The following MAML2 variants were observed in gnomAD, a reference collection of about 807,000 sequenced individuals.
MAML2 encodes the protein mastermind like transcriptional coactivator 2, also known as mastermind-like protein 2.
Under a neutral mutation model 96.1 loss-of-function variants are expected in MAML2, and 22 were observed. The ratio of observed to expected loss-of-function variants is 0.23; its 90% CI spans 0.16 to 0.33. The LOEUF is 0.33. Among genes scored for constraint, MAML2 ranks in the 10% least tolerant of loss-of-function variants. The pLI, the probability that MAML2 is intolerant of heterozygous loss-of-function variation, is 1.00. For synonymous variants in MAML2, 561 were observed against 521.3 expected (o/e 1.08, Z -1.04); for missense variants, 1,367 against 1,392.4 (o/e 0.98, Z 0.29).
At chr11:96,166,150 G>GTCTC (rs1491027512) in intron 1 of MAML2, among the ~76,000 whole-genome samples, 17 of 59,418 alleles carry the variant, frequency 2.9e-4, no homozygotes, top group East Asian at 9.2e-4. Flanking sequence ...CTCTCTCTCT[G>GTCTC]TCTGTCTCTC....
At position 96,343,042 on chromosome 11, in the gene MAML2, G is replaced by A; in HGVS notation, c.-1147C>T. 2.5e-6 allele frequency: 1 copy of A among 396,592 alleles called. No homozygotes were observed. 24.6% of individuals were successfully genotyped at this position (396,592 alleles called of 1,614,324 possible). A position where few individuals can be genotyped will look rare whatever the true frequency, so the allele number is the denominator to read the frequency against. ...TGGTTCTATCTCCTGTATTTGCTCC[G>A]CTTTATAGATGGAAAAAAAAAGTAG... On this transcript the variant is annotated 5_prime_UTR_variant, in exon 1 of 5. Coordinates refer to ENST00000524717, the MANE Select transcript of MAML2 (RefSeq NM_032427.4).
chr11:96,151,304 G>A (rs959134323), intron 1 of MAML2, among the ~76,000 whole-genome samples: 27 of 152,054 alleles, frequency 1.8e-4, no homozygotes, highest in African/African-American at 6.3e-4. Flanking sequence ...TTTCTCCAAG[G>A]GGTGCCTCTC....
chr11:96,200,627 G>A (rs1201420430), intron 1 of MAML2, among the ~76,000 whole-genome samples: 2 of 152,210 alleles, frequency 1.3e-5, no homozygotes, highest in Non-Finnish European at 2.9e-5. Context: ...TTCAGGTCAT[G>A]GCTATGCCTC....
At chr11:96,076,447 C>T (rs1325224408) in intron 2 of MAML2, among the ~76,000 whole-genome samples, 3 of 149,976 alleles carry the variant, frequency 2.0e-5, no homozygotes, top group South Asian at 4.2e-4. Flanking sequence ...CACACACACA[C>T]ACACACACAC....
chr11:96,245,444 A>T (rs1437113691), intron 1 of MAML2, among the ~76,000 whole-genome samples: 2 of 152,178 alleles, frequency 1.3e-5, no homozygotes, highest in African/African-American at 4.8e-5. Context: ...CCTTTCTCAC[A>T]TATCTATAGG....
chr11:96,273,800 C>G (rs181462781), intron 1 of MAML2, among the ~76,000 whole-genome samples: 3 of 152,198 alleles, frequency 2.0e-5, no homozygotes, highest in Admixed American at 2.0e-4. Flanking sequence ...AGATAGCCAG[C>G]CTCCATATCA....
chr11:96,265,302 T>A (rs560000782), intron 1 of MAML2, among the ~76,000 whole-genome samples: 93 of 152,278 alleles, frequency 6.1e-4, no homozygotes, highest in Middle Eastern at 3.4e-3. Flanking sequence ...AACAGAGTTA[T>A]TTTCCCCATG....
intron 1 of MAML2, among the ~76,000 whole-genome samples, chr11:96,249,235 G>C (rs1282637291): frequency 6.6e-6 from 1 of 152,026 alleles, no homozygotes; most frequent in Non-Finnish European, 1.5e-5. Flanking sequence ...CTTCTCCTCT[G>C]TCTCCTTTCT....
At chr11:96,201,339 C>T (rs1275580665) in intron 1 of MAML2, among the ~76,000 whole-genome samples, 1 of 152,100 alleles carries the variant, frequency 6.6e-6, no homozygotes, top group African/African-American at 2.4e-5. Context: ...CTAAAAGGAC[C>T]GTTCCCTCCC....
At chr11:96,193,637 T>C (rs760985389) in intron 1 of MAML2, among the ~76,000 whole-genome samples, 1 of 152,202 alleles carries the variant, frequency 6.6e-6, no homozygotes, top group Non-Finnish European at 1.5e-5. Flanking sequence ...ATCAGCAATA[T>C]ATTTACCAAT....
intron 1 of MAML2, among the ~76,000 whole-genome samples, chr11:96,195,975 A>G (rs1473204810): frequency 6.6e-6 from 1 of 152,214 alleles, no homozygotes; most frequent in Admixed American, 6.5e-5. Context: ...GAATTGAAAC[A>G]CTGTTATTGT....
In MAML2 at chr11:95,979,293, A is replaced by G; in HGVS notation, c.3126T>C (p.Gly1042=). The G allele has an allele frequency of 6.2e-7, 1 of 1,613,782 alleles. No individual in the cohort carries two copies. Among genetic ancestry groups the G allele is most frequent in the Non-Finnish European group, 8.5e-7 (1 of 1,179,854 alleles). Residue 1042 remains glycine (G), a synonymous_variant, in exon 5 of 5, where the codon GGT becomes GGC. Coordinates refer to ENST00000524717, the MANE Select transcript of MAML2 (RefSeq NM_032427.4). ...GTCTGAGATTCAGACCCCTGAGGGGACCCATGGTTTGCCCATTTAGTGTTT... is the reference window on the plus strand; with the variant it reads ...GTCTGAGATTCAGACCCCTGAGGGGGCCCATGGTTTGCCCATTTAGTGTTT... ...MSQTLNGQTM[G]PLRGLNLRPN...
intron 1 of MAML2, among the ~76,000 whole-genome samples, chr11:96,282,781 C>G (rs926118667): frequency 6.6e-6 from 1 of 152,168 alleles, no homozygotes; most frequent in African/African-American, 2.4e-5. Context: ...ATTTCAGAGG[C>G]AACTGTAACT....
At chr11:96,213,262 G>A (rs1329017838) in intron 1 of MAML2, among the ~76,000 whole-genome samples, 1 of 152,156 alleles carries the variant, frequency 6.6e-6, no homozygotes, top group African/African-American at 2.4e-5. Flanking sequence ...TTAAAAATGT[G>A]AGGCTATGAG....
At chr11:96,142,860 T>C (rs1469846458) in intron 1 of MAML2, among the ~76,000 whole-genome samples, 1 of 152,206 alleles carries the variant, frequency 6.6e-6, no homozygotes, top group East Asian at 1.9e-4. Flanking sequence ...AACTATTTTT[T>C]TGTTTAATCT....
At chr11:96,226,813 A>G (rs1447473458) in intron 1 of MAML2, among the ~76,000 whole-genome samples, 4 of 152,240 alleles carry the variant, frequency 2.6e-5, no homozygotes, top group Admixed American at 6.5e-5. Context: ...ACTGCATGCC[A>G]TCTTAGAAAC....
chr11:96,063,801 C>T (rs1232656360), intron 2 of MAML2, among the ~76,000 whole-genome samples: 1 of 152,216 alleles, frequency 6.6e-6, no homozygotes, highest in East Asian at 1.9e-4. Flanking sequence ...GTGACTATAT[C>T]AGCTTCTTCC....
intron 2 of MAML2, among the ~76,000 whole-genome samples, chr11:96,008,259 TAA>T (rs1293756359): frequency 3.9e-5 from 6 of 152,110 alleles, no homozygotes; most frequent in African/African-American, 1.2e-4. Flanking sequence ...TAGTTACTTG[TAA>T]CTGAAAACAG....
intron 1 of MAML2, among the ~76,000 whole-genome samples, chr11:96,214,664 A>G (rs1591076835): frequency 1.3e-5 from 2 of 152,304 alleles, no homozygotes; most frequent in East Asian, 3.9e-4. Context: ...TGCGAAATAC[A>G]CCACACACTT....
Sources: gnomAD v4.1 joint callset for allele counts (sites outside exome capture counted in the v4.1 genomes callset) on GRCh38, gnomAD v4.1.1 for gene constraint, MANE v1.5 for transcripts, NCBI Gene and HGNC (gene_info 2026-07-23, HGNC 2026-07-21) for gene names.